Variants in ZNF843 observed in about 807,000 individuals in gnomAD.
ZNF843 encodes zinc finger protein 843.
For synonymous variants in ZNF843, 185 were observed against 207.7 expected, an observed-to-expected ratio of 0.89 and a Z score of 0.94; for missense variants, 482 against 469.4, an observed-to-expected ratio of 1.03 and a Z score of -0.25.
At chr16:31,442,157 G>T (rs1047101600) in intron 1 of ZNF843, among the ~76,000 whole-genome samples, 1 of 152,200 alleles carries the variant, frequency 6.6e-6, no homozygotes, top group Admixed American at 6.5e-5. Flanking sequence ...GTGTTGGCCC[G>T]CCCCTTCCCT....
chr16:31,436,211 T>G lies in ZNF843; in HGVS notation c.639A>C (p.Thr213=), dbSNP rs1597179804. The G allele has an allele frequency of 6.5e-7, 1 of 1,533,264 alleles. No homozygotes were observed. Among genetic ancestry groups the G allele is most frequent in the Non-Finnish European group, 8.8e-7 (1 of 1,137,716 alleles). The allele number at this position is 1,533,264 out of a possible 1,614,324, so 95.0% of individuals were successfully genotyped here. The stretch of plus-strand genomic sequence containing the variant: ...AAAGGAAGGGAGGTCGGGGCAGGAG[T>G]GTGGATGGGGGCAGATGTTGAAGGA... ...GSFLQHLPPS[T]LLPRPPFLYP... Residue 213 remains threonine (T), a synonymous_variant, in exon 2 of 2, where the codon ACA becomes ACC. Coordinates refer to ENST00000315678, the MANE Select transcript of ZNF843 (RefSeq NM_001136509.3).
intron 1 of ZNF843, among the ~76,000 whole-genome samples, chr16:31,441,026 G>C (rs929798126): frequency 6.6e-6 from 1 of 152,194 alleles, no homozygotes; most frequent in Non-Finnish European, 1.5e-5. Context: ...CCCTAGATGA[G>C]TGTGTTTTCC....
Position 31,436,311 on chromosome 16 carries a change from C to T in ZNF843, c.539G>A (p.Ser180Asn), listed in dbSNP as rs1278986149. Residue 180 changes from serine to asparagine, a missense_variant, in exon 2 of 2, where the codon AGC becomes AAC. Coordinates refer to ENST00000315678, the MANE Select transcript of ZNF843 (RefSeq NM_001136509.3). ...GACTGAGCTGGGTGCGAGGCTGACGCTCTCCACGCTCCCACCCCTGCAGGT... is the reference window on the plus strand; with the variant it reads ...GACTGAGCTGGGTGCGAGGCTGACGTTCTCCACGCTCCCACCCCTGCAGGT... ...EKTCRGGSVE[S>N]VSLAPSSVAP... 52 of 1,547,626 alleles carry T rather than the reference C, an allele frequency of 3.4e-5. No individual in the cohort carries two copies. Among genetic ancestry groups the T allele is most frequent in the Non-Finnish European group, 4.3e-5 (49 of 1,144,536 alleles).
intron 1 of ZNF843, among the ~76,000 whole-genome samples, chr16:31,440,457 T>A (rs373448131): frequency 1.3e-5 from 2 of 152,258 alleles, no homozygotes; most frequent in East Asian, 1.9e-4. Flanking sequence ...AGCATTTTTT[T>A]AACTTATGAA....
At chr16:31,442,050 G>A (rs1226394267) in intron 1 of ZNF843, among the ~76,000 whole-genome samples, 6 of 152,246 alleles carry the variant, frequency 3.9e-5, no homozygotes, top group Non-Finnish European at 2.9e-5. Context: ...TTTTAAGGCG[G>A]GCCGGGTGTG....
chr16:31,442,424 G>A (rs979515347), intron 1 of ZNF843, among the ~76,000 whole-genome samples: 1 of 152,158 alleles, frequency 6.6e-6, no homozygotes, highest in Non-Finnish European at 1.5e-5. Context: ...GGGTTCAAGC[G>A]ATTCTCCTGC....
intron 1 of ZNF843, among the ~76,000 whole-genome samples, chr16:31,440,349 A>G (rs937147051): frequency 5.3e-5 from 8 of 152,266 alleles, no homozygotes; most frequent in African/African-American, 1.7e-4. Flanking sequence ...GCCAACATGC[A>G]TATGCATTTT....
At position 31,436,598 on chromosome 16, in the gene ZNF843, T is replaced by C; in HGVS notation, c.252A>G (p.Pro84=). ...CCGCAGACGAATGGCTTCTCCCGAG[T>C]GGACTCGCTGGTGCTTGATGAGGTT... ...PLQPHQAPAS[P]LGRSHSSAGV... Residue 84 remains proline, a synonymous_variant, in exon 2 of 2, where the codon CCA becomes CCG. Coordinates refer to ENST00000315678, the MANE Select transcript of ZNF843 (RefSeq NM_001136509.3). The C allele has an allele frequency of 6.4e-7, 1 of 1,551,354 alleles. No individual in the cohort carries two copies.
chr16:31,436,675 G>A lies in ZNF843; in HGVS notation c.175C>T (p.Arg59Ter), dbSNP rs1053469205. ...LQHWRVHSDW[R>*]ETLSLSPVRQ... ...ACTGGGGACAGCGACAAGGTCTCTCGCCAGTCGCTGTGGACCCGCCAGTGC... is the reference window on the plus strand; with the variant it reads ...ACTGGGGACAGCGACAAGGTCTCTCACCAGTCGCTGTGGACCCGCCAGTGC... Residue 59 changes from arginine (R) to a stop codon, truncating the protein, a stop_gained, in exon 2 of 2, where the codon CGA becomes TGA. Coordinates refer to ENST00000315678, the MANE Select transcript of ZNF843 (RefSeq NM_001136509.3). LOFTEE classifies it low-confidence loss of function (END_TRUNC). 21 of 1,551,176 alleles carry A rather than the reference G, an allele frequency of 1.4e-5. No homozygotes were observed. Among genetic ancestry groups the A allele is most frequent in the South Asian group, 2.4e-5 (2 of 84,062 alleles).
intron 1 of ZNF843, among the ~76,000 whole-genome samples, chr16:31,438,566 A>ATC (rs138969574): frequency 0.24 from 36,890 of 151,044 alleles, 4,644 homozygotes; most frequent in South Asian, 0.33. Flanking sequence ...CTTGGGTCTC[A>ATC]TCTCTCTCTC....
In ZNF843 at chr16:31,435,995, G is replaced by T; in HGVS notation, c.855C>A (p.Ala285=). 2 of 1,523,970 alleles carry T rather than the reference G, an allele frequency of 1.3e-6. No individual in the cohort carries two copies. The highest frequency in any genetic ancestry group is 1.8e-6 in the Non-Finnish European group (2 of 1,132,228). 94.4% of individuals were successfully genotyped at this position (1,523,970 alleles called of 1,614,324 possible). A position where few individuals can be genotyped will look rare whatever the true frequency, so the allele number is the denominator to read the frequency against. The change falls in exon 2 of 2, where the codon GCC becomes GCA. Residue 285 remains alanine, a synonymous_variant. Transcript: ENST00000315678. Reference sequence around the variant, plus strand: ...TCCGGGCTGGCTCAGGGTAGCCTGGGGCCTGAACCGCCTCCCGCGAGTCCC... The same window carrying T: ...TCCGGGCTGGCTCAGGGTAGCCTGGTGCCTGAACCGCCTCCCGCGAGTCCC... ...AGRDSREAVQ[A]PGYPEPARKA...
intron 1 of ZNF843, among the ~76,000 whole-genome samples, chr16:31,437,396 C>G (rs2082187105): frequency 7.2e-6 from 1 of 139,162 alleles, no homozygotes; most frequent in Non-Finnish European, 1.5e-5. Context: ...CTTTGCCTCT[C>G]TGGCTCAAGT....
At chr16:31,440,954 T>C (rs757385586) in intron 1 of ZNF843, among the ~76,000 whole-genome samples, 3 of 152,234 alleles carry the variant, frequency 2.0e-5, no homozygotes, top group Non-Finnish European at 4.4e-5. Flanking sequence ...ATTCTTCCTG[T>C]GACTATAACT....
chr16:31,437,675 C>T (rs1300081394), intron 1 of ZNF843, among the ~76,000 whole-genome samples: 1 of 143,134 alleles, frequency 7.0e-6, no homozygotes, highest in Non-Finnish European at 1.5e-5. Context: ...GGCTGGAGTG[C>T]AGTGGTGCTA....
At chr16:31,439,142 A>G (rs1489237016) in intron 1 of ZNF843, among the ~76,000 whole-genome samples, 1 of 151,648 alleles carries the variant, frequency 6.6e-6, no homozygotes, top group Non-Finnish European at 1.5e-5. Context: ...CTAGAACTTA[A>G]AAGTATAATG....
chr16:31,436,382 CT>C lies in ZNF843; in HGVS notation c.467del (p.Glu156GlyfsTer259). 6.5e-7 allele frequency: 1 copy of C among 1,549,038 alleles called. No individual in the cohort carries two copies. Among genetic ancestry groups the C allele is most frequent in the Admixed American group, 2.0e-5 (1 of 50,870 alleles). On this transcript the variant is annotated frameshift_variant, in exon 2 of 2. Transcript: ENST00000315678. LOFTEE classifies it low-confidence loss of function (END_TRUNC). ...GGACGCGCTGGGAGAGGGAGGTCTT[CT>C]CATTGACACTGTCACCGCAGCTGCA... Reference protein sequence around the residue: ...CCCSCGDSVNEKTSLSQRVLP... With the variant: ...CCCSCGDSVNXKTSLSQRVLP...
Position 31,436,693 on chromosome 16 carries a change from G to A in ZNF843, c.157C>T (p.Arg53Trp). 1 of 1,551,582 alleles carries A rather than the reference G, an allele frequency of 6.4e-7. No individual in the cohort carries two copies. The highest frequency in any genetic ancestry group is 8.7e-7 in the Non-Finnish European group (1 of 1,147,010). The part of the protein sequence containing the change: ...TQSASLLQHW[R>W]VHSDWRETLS... ...GTCTCTCGCCAGTCGCTGTGGACCC[G>A]CCAGTGCTGGAGGAGGGATGCGCTC... Residue 53 changes from arginine (R) to tryptophan (W), a missense_variant, in exon 2 of 2, where the codon CGG becomes TGG. Transcript: ENST00000315678.
At chr16:31,441,209 A>G (rs2082200166) in intron 1 of ZNF843, among the ~76,000 whole-genome samples, 1 of 152,140 alleles carries the variant, frequency 6.6e-6, no homozygotes, top group South Asian at 2.1e-4. Context: ...ATTGCTCCCT[A>G]CTGAAGGTGC....
At chr16:31,441,402 C>A (rs2082200652) in intron 1 of ZNF843, among the ~76,000 whole-genome samples, 1 of 152,214 alleles carries the variant, frequency 6.6e-6, no homozygotes, top group South Asian at 2.1e-4. Context: ...AAATGGTTAT[C>A]TGTTTATCCT....
Sources: gnomAD v4.1 joint callset for allele counts (sites outside exome capture counted in the v4.1 genomes callset) on GRCh38, gnomAD v4.1.1 for gene constraint, MANE v1.5 for transcripts, NCBI Gene and HGNC (gene_info 2026-07-23, HGNC 2026-07-21) for gene names.